The following CDH4 variants were observed in gnomAD, a reference collection of about 807,000 sequenced individuals.
CDH4 encodes cadherin 4.
A neutral mutation model predicts 86.0 loss-of-function variants in CDH4; 33 were observed. The ratio of observed to expected loss-of-function variants is 0.38; its 90% CI spans 0.29 to 0.51. The LOEUF (loss-of-function observed/expected upper bound fraction) is 0.51, where lower values mean the gene tolerates loss of function less well. Ranked by LOEUF, CDH4 falls within the 20% of genes least tolerant of loss-of-function variation. The pLI, the probability that CDH4 is intolerant of heterozygous loss-of-function variation, is 0.86. For synonymous variants in CDH4, 555 were observed against 549.4 expected, an observed-to-expected ratio of 1.01 and a Z score of -0.14; for missense variants, 1,114 against 1,307.4, an observed-to-expected ratio of 0.85 and a Z score of 2.28.
intron 2 of CDH4, among the ~76,000 whole-genome samples, chr20:61,494,797 T>C (rs534654196): frequency 6.6e-6 from 1 of 152,378 alleles, no homozygotes; most frequent in African/African-American, 2.4e-5. Context: ...TTTATCTGTT[T>C]CTCTAGCTAT....
intron 9 of CDH4, among the ~76,000 whole-genome samples, chr20:61,916,289 GTTC>G (rs2054903111): frequency 6.6e-6 from 1 of 152,162 alleles, no homozygotes; most frequent in South Asian, 2.1e-4. Context: ...GAGGGCATCT[GTTC>G]TTAGATTCCC....
At chr20:61,886,568 G>T (rs1477202849) in intron 7 of CDH4, among the ~76,000 whole-genome samples, 1 of 152,178 alleles carries the variant, frequency 6.6e-6, no homozygotes, top group Non-Finnish European at 1.5e-5. Context: ...GACTCCCGCT[G>T]CCCGCCCAGA....
chr20:61,416,563 C>A (rs2145496688), intron 2 of CDH4, among the ~76,000 whole-genome samples: 1 of 152,304 alleles, frequency 6.6e-6, no homozygotes, highest in South Asian at 2.1e-4. Context: ...CCTAGTATTG[C>A]TGGAACAGTA....
intron 2 of CDH4, among the ~76,000 whole-genome samples, chr20:61,387,141 TACTC>T (rs1445629002): frequency 2.8e-4 from 42 of 151,880 alleles, no homozygotes; most frequent in East Asian, 3.9e-4. Flanking sequence ...AGGTAAAAGA[TACTC>T]ACCTCTTCTC....
intron 2 of CDH4, among the ~76,000 whole-genome samples, chr20:61,590,758 G>A (rs1351326112): frequency 6.6e-6 from 1 of 152,146 alleles, no homozygotes; most frequent in Admixed American, 6.5e-5. Context: ...CCTTCGTGAT[G>A]GTGTTGAGTC....
In CDH4 at chr20:61,323,458, A is replaced by G. The variant is rs1443907349; in HGVS notation, c.169+68521A>G. ...TCTATTCAGTTGGCTGAATCCATGC[A>G]CAGGAAGAAACAATACACCAAACAC... On this transcript the variant is annotated intron_variant, in intron 2 of 15. Transcript: ENST00000614565. Among the ~76,000 whole-genome samples, 4 of 152,322 alleles carry G rather than the reference A, an allele frequency of 2.6e-5. No individual in the cohort carries two copies. The East Asian group carries it at 5.8e-4, about 22-fold the overall frequency.
chr20:61,312,268 T>C (rs1022124756), intron 2 of CDH4, among the ~76,000 whole-genome samples: 2 of 151,620 alleles, frequency 1.3e-5, no homozygotes, highest in African/African-American at 4.8e-5. Context: ...GTGTGTAATG[T>C]GTCCATTTTG....
intron 2 of CDH4, among the ~76,000 whole-genome samples, chr20:61,532,124 C>T (rs1033823818): frequency 3.3e-5 from 5 of 152,294 alleles, no homozygotes; most frequent in South Asian, 2.1e-4. Context: ...TGCTGCCCTC[C>T]GTGTCCTGAC....
chr20:61,444,273 G>GTGTC (rs2085331048), intron 2 of CDH4, among the ~76,000 whole-genome samples: 264 of 41,970 alleles, frequency 6.3e-3, no homozygotes, highest in Non-Finnish European at 8.0e-3. Flanking sequence ...GTGTGTGTGT[G>GTGTC]TATGTGTATG....
intron 2 of CDH4, among the ~76,000 whole-genome samples, chr20:61,267,761 A>T (rs1568774014): frequency 6.6e-6 from 1 of 152,152 alleles, no homozygotes; most frequent in Non-Finnish European, 1.5e-5. Flanking sequence ...TGCTGATGAG[A>T]TGTGGAGGGA....
intron 6 of CDH4, among the ~76,000 whole-genome samples, chr20:61,871,924 C>T (rs1337473495): frequency 6.6e-6 from 1 of 152,184 alleles, no homozygotes; most frequent in Non-Finnish European, 1.5e-5. Flanking sequence ...AAGCAAACTC[C>T]TAGTCAGACA....
intron 2 of CDH4, among the ~76,000 whole-genome samples, chr20:61,701,615 G>T (rs1229732163): frequency 6.6e-6 from 1 of 152,242 alleles, no homozygotes; most frequent in Non-Finnish European, 1.5e-5. Context: ...AGCACAGCGG[G>T]TCTACGGATC....
At chr20:61,400,896 C>T (rs1342777235) in intron 2 of CDH4, among the ~76,000 whole-genome samples, 1 of 152,250 alleles carries the variant, frequency 6.6e-6, no homozygotes, top group Non-Finnish European at 1.5e-5. Context: ...CTCCTAACTA[C>T]TTTCTAAGTT....
In CDH4 at chr20:61,719,501, C is replaced by T. The variant is rs1272320135; in HGVS notation, c.170-24062C>T. 1.4e-5 allele frequency: 3 copies of T among 213,914 alleles called. No homozygotes were observed. The East Asian group carries it at 3.6e-4, about 26-fold the overall frequency. 13.3% of individuals were successfully genotyped at this position (213,914 alleles called of 1,614,324 possible). A position where few individuals can be genotyped will look rare whatever the true frequency, so the allele number is the denominator to read the frequency against. The stretch of plus-strand genomic sequence containing the variant: ...ACCTTCGCTGGCTTTTCTTCCCCTC[C>T]CAACCCAAAGAGAGATAATTTCTCG... On this transcript the variant is annotated intron_variant, in intron 2 of 15. Transcript: ENST00000614565.
chr20:61,440,575 C>T (rs192955827), intron 2 of CDH4, among the ~76,000 whole-genome samples: 15 of 152,328 alleles, frequency 9.8e-5, no homozygotes, highest in African/African-American at 2.4e-4. Context: ...AGCAAATACT[C>T]GGTTTGCACT....
chr20:61,361,800 G>A (rs562806728), intron 2 of CDH4, among the ~76,000 whole-genome samples: 4 of 152,310 alleles, frequency 2.6e-5, no homozygotes, highest in East Asian at 1.9e-4. Context: ...GCCGTGGTGC[G>A]GAACCCGGGG....
At chr20:61,396,718 G>A (rs1250017284) in intron 2 of CDH4, among the ~76,000 whole-genome samples, 3 of 152,194 alleles carry the variant, frequency 2.0e-5, no homozygotes, top group Non-Finnish European at 4.4e-5. Flanking sequence ...GCCCTGCGGA[G>A]GCCCCGAAGG....
At chr20:61,600,162 G>A (rs535263122) in intron 2 of CDH4, among the ~76,000 whole-genome samples, 2 of 152,266 alleles carry the variant, frequency 1.3e-5, no homozygotes, top group East Asian at 3.8e-4. Flanking sequence ...GGTCCCGCGC[G>A]AGGGCGTGGC....
chr20:61,443,777 G>A (rs2085326273), intron 2 of CDH4, among the ~76,000 whole-genome samples: 3 of 152,066 alleles, frequency 2.0e-5, no homozygotes. Flanking sequence ...GTGTGTGTGT[G>A]TGTGGATCTG....
Sources: allele counts gnomAD v4.1 joint callset (sites outside exome capture counted in the v4.1 genomes callset), GRCh38; gene constraint gnomAD v4.1.1; transcripts MANE v1.5; gene names NCBI Gene and HGNC (gene_info 2026-07-23, HGNC 2026-07-21).